MSH4: variants seen among roughly 807,000 people sequenced by gnomAD.
The protein encoded by MSH4 is mutS protein homolog 4.
In MSH4, 106 loss-of-function variants were observed where a neutral mutation model predicts 113.7. The observed-to-expected ratio is 0.93, with a 90% CI of 0.80 to 1.10. The LOEUF is 1.10. Ranked by LOEUF, MSH4 falls within the 50% of genes least tolerant of loss-of-function variation. MSH4 has a pLI of 0.00. For synonymous variants in MSH4, 368 were observed against 380.2 expected (o/e 0.97, Z 0.37); for missense variants, 1,061 against 1,093.7 (o/e 0.97, Z 0.42).
intron 5 of MSH4, 35 bp from the exon 6 acceptor site, chr1:75,816,338 A>G: frequency 7.3e-7 from 1 of 1,368,550 alleles, no homozygotes; most frequent in South Asian, 1.9e-5. Context: ...TTTATATTAA[A>G]GACTTATAGT....
intron 9 of MSH4, among the ~76,000 whole-genome samples, chr1:75,872,715 A>G (rs74089619): frequency 0.084 from 12,781 of 152,258 alleles, 792 homozygotes; most frequent in African/African-American, 0.17. Context: ...TGAAATGAAA[A>G]TTGAAGGGAA....
In MSH4 at chr1:75,913,106, A is replaced by C. The variant is rs1184520349; in HGVS notation, c.*219A>C. On this transcript the variant is annotated 3_prime_UTR_variant, in exon 20 of 20. Transcript: ENST00000263187. The stretch of plus-strand genomic sequence containing the variant: ...AAGGAATGGTTTTTATGTTAGGAGA[A>C]AATACAATACACCACTTTTTTCTCA... 4.0e-6 allele frequency: 1 copy of C among 247,120 alleles called. No homozygotes were observed. Among genetic ancestry groups the C allele is most frequent in the Non-Finnish European group, 7.6e-6 (1 of 132,078 alleles). 15.3% of individuals were successfully genotyped at this position (247,120 alleles called of 1,614,324 possible).
At chr1:75,821,511 C>A (rs946445425) in intron 6 of MSH4, among the ~76,000 whole-genome samples, 1 of 152,090 alleles carries the variant, frequency 6.6e-6, no homozygotes, top group Non-Finnish European at 1.5e-5. Context: ...GAAGCAAGAG[C>A]AAACACATTC....
At chr1:75,809,613 T>C (rs972388075) in intron 3 of MSH4, among the ~76,000 whole-genome samples, 2 of 150,556 alleles carry the variant, frequency 1.3e-5, no homozygotes, top group African/African-American at 4.9e-5. Context: ...ATACTGATTG[T>C]ATTGCCATAG....
chr1:75,878,855 G>C (rs1400852731), intron 11 of MSH4, 137 bp from the exon 12 acceptor site: 1 of 637,000 alleles, frequency 1.6e-6, no homozygotes, highest in Non-Finnish European at 2.5e-6. Flanking sequence ...ATTAGAGTTT[G>C]AAAGAGCAAC....
rs758832881 is a variant in MSH4 at position 75,810,701 on chromosome 1, T to C, written c.593T>C (p.Ile198Thr). The C allele has an allele frequency of 2.1e-6, 3 of 1,452,498 alleles. No individual in the cohort carries two copies. In the South Asian group the frequency reaches 3.9e-5, roughly 19 times the overall value. The allele number at this position is 1,452,498 out of a possible 1,614,324, so 90.0% of individuals were successfully genotyped here. A position where few individuals can be genotyped will look rare whatever the true frequency, so the allele number is the denominator to read the frequency against. Residue 198 changes from isoleucine (I) to threonine (T), a missense_variant, in exon 4 of 20, where the codon ATC becomes ACC. Physicochemically the swap from Ile to Thr is moderately conservative, Grantham distance 89. Coordinates refer to ENST00000263187, the MANE Select transcript of MSH4 (RefSeq NM_002440.4). ...TGTTTATTCAAATGATTTCAGGTGA[T>C]CACTAAACTTAAAATTTTATCACCT... The part of the protein sequence containing the change: ...FADNTTYAKV[I>T]TKLKILSPLE...
intron 2 of MSH4, among the ~76,000 whole-genome samples, chr1:75,805,117 A>G (rs948916251): frequency 8.4e-3 from 1,217 of 144,214 alleles, no homozygotes; most frequent in Middle Eastern, 0.01. Flanking sequence ...GAGCCACCGC[A>G]CCCAGCCCTG....
chr1:75,808,847 C>T (rs914529772), intron 3 of MSH4, among the ~76,000 whole-genome samples: 1 of 152,126 alleles, frequency 6.6e-6, no homozygotes, highest in African/African-American at 2.4e-5. Context: ...TTGGGCCACT[C>T]GCCTATTGTC....
intron 8 of MSH4, among the ~76,000 whole-genome samples, chr1:75,857,691 C>A (rs1188969718): frequency 2.6e-5 from 4 of 152,080 alleles, no homozygotes; most frequent in African/African-American, 4.8e-5. Flanking sequence ...GTTACTGTAG[C>A]CTTGTAGTAC....
chr1:75,814,991 C>G, intron 4 of MSH4, 30 bp from the exon 5 acceptor site: 2 of 1,409,042 alleles, frequency 1.4e-6, no homozygotes, highest in Non-Finnish European at 2.0e-6. Flanking sequence ...GCACTTCAAA[C>G]TTTATTTTGA....
rs772459159 is a variant in MSH4 at position 75,807,030 on chromosome 1, T to C, written c.477T>C (p.Ala159=). The C allele has an allele frequency of 1.0e-5, 16 of 1,584,230 alleles. No homozygotes were observed. The African/African-American group carries it at 2.1e-4, about 20-fold the overall frequency. The part of the protein sequence containing the change: ...ISAHSPSVIV[A]VVEGRGLARG... ...CACACTCCCCATCAGTTATTGTAGC[T>C]GTTGTAGAAGGGAGAGGACTTGCCA... Residue 159 remains alanine (A), a synonymous_variant, in exon 3 of 20, where the codon GCT becomes GCC. Coordinates refer to ENST00000263187, the MANE Select transcript of MSH4 (RefSeq NM_002440.4).
rs777802492 is a variant in MSH4 at position 75,815,009 on chromosome 1, A to T, written c.700-12A>T. 1 of 1,516,500 alleles carries T rather than the reference A, an allele frequency of 6.6e-7. No individual in the cohort carries two copies. Among genetic ancestry groups the T allele is most frequent in the East Asian group, 2.3e-5 (1 of 44,000 alleles). 93.9% of individuals were successfully genotyped at this position (1,516,500 alleles called of 1,614,324 possible). ...CTTCAAACTTTATTTTGAAATTAAA[A>T]CTTCTTTTCAGAATGTTAATTTCAC... is the stretch of plus-strand genomic sequence containing the variant. On this transcript the variant is annotated splice_polypyrimidine_tract_variant and intron_variant, in intron 4 of 19. Transcript: ENST00000263187.
intron 15 of MSH4, among the ~76,000 whole-genome samples, chr1:75,885,808 C>T (rs1979700): frequency 0.77 from 87,832 of 114,808 alleles, 33,617 homozygotes; most frequent in East Asian, 0.99. Flanking sequence ...TAATGTATTA[C>T]ATATTATGTA....
intron 7 of MSH4, among the ~76,000 whole-genome samples, chr1:75,830,257 C>T (rs4472716): frequency 0.072 from 10,947 of 151,904 alleles, 518 homozygotes; most frequent in African/African-American, 0.13. Context: ...TAAAAAAAAC[C>T]GAACAAAGCC....
intron 9 of MSH4, among the ~76,000 whole-genome samples, chr1:75,874,551 G>A (rs1040815880): frequency 3.9e-5 from 6 of 151,974 alleles, no homozygotes; most frequent in African/African-American, 1.4e-4. Context: ...TGAACTCCTG[G>A]GCTCAAGCAA....
chr1:75,843,347 C>CA (rs1170984890), intron 7 of MSH4, among the ~76,000 whole-genome samples: 2 of 152,180 alleles, frequency 1.3e-5, no homozygotes, highest in Admixed American at 6.5e-5. Flanking sequence ...CTCGTTGCTG[C>CA]ACACGGGGAG....
At chr1:75,836,744 T>G (rs1336246858) in intron 7 of MSH4, among the ~76,000 whole-genome samples, 1 of 152,224 alleles carries the variant, frequency 6.6e-6, no homozygotes, top group African/African-American at 2.4e-5. Flanking sequence ...CCTCCTGATC[T>G]TCTTCCTCTG....
chr1:75,837,237 C>T (rs551115317), intron 7 of MSH4, among the ~76,000 whole-genome samples: 3 of 152,078 alleles, frequency 2.0e-5, no homozygotes, highest in Non-Finnish European at 2.9e-5. Context: ...GGGCTCTTAC[C>T]GGACACTGAA....
chr1:75,888,431 G>T (rs184660056), intron 15 of MSH4, among the ~76,000 whole-genome samples: 3 of 151,672 alleles, frequency 2.0e-5, no homozygotes, highest in African/African-American at 7.2e-5. Context: ...TAACTTCTTG[G>T]GCAGAAACAG....
Sources: allele counts gnomAD v4.1 joint callset (sites outside exome capture counted in the v4.1 genomes callset), GRCh38; gene constraint gnomAD v4.1.1; transcripts MANE v1.5; gene names NCBI Gene and HGNC (gene_info 2026-07-23, HGNC 2026-07-21).